The following CFAP61 variants were observed in gnomAD, a reference collection of about 807,000 sequenced individuals.
CFAP61 encodes the protein cilia and flagella associated protein 61.
CFAP61 carries 107 observed loss-of-function variants against 135.6 expected under a neutral mutation model. That is an observed-to-expected ratio of 0.79 (90% CI 0.67 to 0.93). The LOEUF (loss-of-function observed/expected upper bound fraction) is 0.93. Among genes scored for constraint, CFAP61 ranks in the 40% least tolerant of loss-of-function variants. The pLI, the probability that CFAP61 is intolerant of heterozygous loss-of-function variation, is 0.00. For synonymous variants in CFAP61, 575 were observed against 578.5 expected, an observed-to-expected ratio of 0.99 and a Z score of 0.09; for missense variants, 1,507 against 1,556.2, an observed-to-expected ratio of 0.97 and a Z score of 0.53.
chr20:20,149,821 AT>A (rs1359348902), intron 9 of CFAP61, among the ~76,000 whole-genome samples: 3 of 152,152 alleles, frequency 2.0e-5, no homozygotes, highest in Admixed American at 1.3e-4. Flanking sequence ...CTTTGTAATA[AT>A]TTTGACTGGC....
rs2047789633 is a variant in CFAP61, at chr20:20,098,815, G to A, written c.859+1G>A. ...GACCTAAGTGTCCGAAGAAGTCAAG[G>A]TACAGTGGCTATCACAGGGACACAC... On this transcript the variant is annotated splice_donor_variant, in intron 8 of 26. Coordinates refer to ENST00000245957, the MANE Select transcript of CFAP61 (RefSeq NM_015585.4). LOFTEE classifies it high-confidence loss of function. The A allele has an allele frequency of 3.1e-6, 5 of 1,609,398 alleles. 1 individual carries two copies. The highest frequency in any genetic ancestry group is 2.2e-5 in the East Asian group (1 of 44,836).
Position 20,349,297 on chromosome 20 carries a change from T to C in CFAP61, c.3513+7376T>C, listed in dbSNP as rs2058748927. Among the ~76,000 whole-genome samples the C allele has an allele frequency of 2.0e-5, 3 of 152,220 alleles. No individual in the cohort carries two copies. The South Asian group carries it at 6.2e-4, about 32-fold the overall frequency. On this transcript the variant is annotated intron_variant, in intron 26 of 26. Transcript: ENST00000245957. ...TACATGAAGTACATGTACTGACATC[T>C]GCTTCTGGTGAGGGCCTCAGGAAAT...
rs191818123 is a variant in CFAP61, at chr20:20,292,414, A to G, written c.3216+2023A>G. Among the ~76,000 whole-genome samples the G allele has an allele frequency of 8.5e-5, 13 of 152,306 alleles. No individual in the cohort carries two copies. The East Asian group carries it at 2.3e-3, about 27-fold the overall frequency. ...ATTTTCTTATAATAAAGGAAACCAT[A>G]AGATCATCATAGTGTTCCAGTTTCT... On this transcript the variant is annotated intron_variant, in intron 24 of 26. Coordinates refer to ENST00000245957, the MANE Select transcript of CFAP61 (RefSeq NM_015585.4).
intron 25 of CFAP61, among the ~76,000 whole-genome samples, chr20:20,300,589 G>A (rs1267429373): frequency 2.0e-5 from 3 of 152,006 alleles, no homozygotes; most frequent in African/African-American, 7.3e-5. Flanking sequence ...GTGCTTATGG[G>A]GTTCTTTTGT....
chr20:20,190,700 T>G (rs905268360), intron 14 of CFAP61, among the ~76,000 whole-genome samples: 2 of 152,246 alleles, frequency 1.3e-5, no homozygotes, highest in East Asian at 3.9e-4. Flanking sequence ...TACAAGAAAT[T>G]TCTGTTTTAT....
chr20:20,090,904 A>C lies in CFAP61; in HGVS notation c.627A>C (p.Glu209Asp). 2 of 1,614,116 alleles carry C rather than the reference A, an allele frequency of 1.2e-6. No individual in the cohort carries two copies. The highest frequency in any genetic ancestry group is 1.7e-6 in the Non-Finnish European group (2 of 1,179,998). ...TGCGCTATGACACAATTCTGAAGGA[A>C]ACTTACGGTGAATACTTCCTGGCCG... ...IFMRYDTILK[E>D]TYGEYFLAEL... The change falls in exon 7 of 27, where the codon GAA becomes GAC. Residue 209 changes from glutamate to aspartate, a missense_variant. By Grantham distance (45) the Glu-to-Asp change is conservative. Transcript: ENST00000245957.
intron 2 of CFAP61, among the ~76,000 whole-genome samples, chr20:20,070,506 T>A (rs1468856809): frequency 6.6e-6 from 1 of 152,268 alleles, no homozygotes; most frequent in East Asian, 1.9e-4. Flanking sequence ...TAACCATAGA[T>A]GTTTAGGCCA....
At chr20:20,228,711 A>G (rs2048915601) in intron 18 of CFAP61, 1 of 183,144 alleles carries the variant, frequency 5.5e-6, no homozygotes, top group African/African-American at 2.3e-5. Context: ...CAGAGACCAT[A>G]TGGCCTTCAG....
At chr20:20,345,485 A>G (rs2058594133) in intron 26 of CFAP61, among the ~76,000 whole-genome samples, 1 of 152,218 alleles carries the variant, frequency 6.6e-6, no homozygotes, top group Non-Finnish European at 1.5e-5. Context: ...GGAAGTATAC[A>G]AGTTCAATCC....
At position 20,360,351 on chromosome 20, in the gene CFAP61, G is replaced by T. The variant is rs1438440274; in HGVS notation, c.3655G>T (p.Asp1219Tyr). 10 of 1,613,864 alleles carry T rather than the reference G, an allele frequency of 6.2e-6. No individual in the cohort carries two copies. Among genetic ancestry groups the T allele is most frequent in the Non-Finnish European group, 8.5e-6 (10 of 1,180,028 alleles). ...YKTLVERSTL[D>Y]YLHYNRYHLP... is the part of the protein sequence containing the mutation. ...AACCCTGGTGGAGAGAAGCACTCTT[G>T]ACTACCTGCACTATAACCGCTACCA... Residue 1219 changes from aspartate to tyrosine, a missense_variant, in exon 27 of 27, where the codon GAC (aspartate) becomes TAC (tyrosine). Coordinates refer to ENST00000245957, the MANE Select transcript of CFAP61 (RefSeq NM_015585.4).
chr20:20,263,195 C>A, intron 21 of CFAP61, 65 bp downstream of exon 21: 2 of 1,195,682 alleles, frequency 1.7e-6, no homozygotes, highest in East Asian at 2.5e-5. Context: ...GAGTCTCATT[C>A]TTCATCTAGT....
intron 7 of CFAP61, among the ~76,000 whole-genome samples, chr20:20,098,420 G>A (rs1030559716): frequency 6.6e-6 from 1 of 151,888 alleles, no homozygotes; most frequent in African/African-American, 2.4e-5. Flanking sequence ...GACCAGCCTG[G>A]CCAACATGGT....
chr20:20,064,222 G>C (rs1396471865), intron 2 of CFAP61, among the ~76,000 whole-genome samples: 1 of 152,102 alleles, frequency 6.6e-6, no homozygotes, highest in Non-Finnish European at 1.5e-5. Flanking sequence ...CATAACTTTT[G>C]TAGTTTGAAG....
chr20:20,255,625 A>G (rs1601653014), intron 20 of CFAP61, among the ~76,000 whole-genome samples: 1 of 152,062 alleles, frequency 6.6e-6, no homozygotes, highest in African/African-American at 2.4e-5. Context: ...GGAAAGACCC[A>G]TCTACACCAG....
At chr20:20,263,845 G>T (rs1306431014) in intron 21 of CFAP61, among the ~76,000 whole-genome samples, 1 of 152,128 alleles carries the variant, frequency 6.6e-6, no homozygotes, top group Non-Finnish European at 1.5e-5. Flanking sequence ...TGAGAAGATG[G>T]TTAGTGACCT....
At chr20:20,322,966 A>G in intron 25 of CFAP61, 2 of 985,396 alleles carry the variant, frequency 2.0e-6, no homozygotes, top group Non-Finnish European at 2.4e-6. Flanking sequence ...TGAGACTGTT[A>G]AAGTTATCAT....
At chr20:20,300,358 A>G (rs1461043484) in intron 25 of CFAP61, among the ~76,000 whole-genome samples, 1 of 152,202 alleles carries the variant, frequency 6.6e-6, no homozygotes, top group African/African-American at 2.4e-5. Flanking sequence ...TTATTATCAC[A>G]GGAGATGGCA....
At chr20:20,330,748 A>G (rs1050085020) in intron 25 of CFAP61, among the ~76,000 whole-genome samples, 7 of 152,172 alleles carry the variant, frequency 4.6e-5, no homozygotes, top group Non-Finnish European at 1.0e-4. Flanking sequence ...TCCTACCTGT[A>G]GAACAAGAAG....
intron 26 of CFAP61, among the ~76,000 whole-genome samples, chr20:20,354,428 A>C (rs2058963734): frequency 6.6e-6 from 1 of 150,776 alleles, no homozygotes. Context: ...GCTTGCACCC[A>C]GGAGGCAGAG....
Sources: allele counts gnomAD v4.1 joint callset (sites outside exome capture counted in the v4.1 genomes callset), GRCh38; gene constraint gnomAD v4.1.1; transcripts MANE v1.5; gene names NCBI Gene and HGNC (gene_info 2026-07-23, HGNC 2026-07-21).